GPR22: variants seen among roughly 807,000 people sequenced by gnomAD.
GPR22 encodes G protein-coupled receptor 22, also known as G-protein coupled receptor 22.
In GPR22, 13 loss-of-function variants were observed where a neutral mutation model predicts 31.0. The observed-to-expected ratio is 0.42, with a 90% CI of 0.27 to 0.67. The LOEUF (loss-of-function observed/expected upper bound fraction) is 0.67, where lower values mean the gene tolerates loss of function less well. Among genes scored for constraint, GPR22 ranks in the 30% least tolerant of loss-of-function variants. The probability of loss-of-function intolerance (pLI) is 0.25; values close to 1 mark genes in which losing one functional copy is unlikely to be tolerated. For synonymous variants in GPR22, 191 were observed against 173.4 expected, an observed-to-expected ratio of 1.10 and a Z score of -0.80; for missense variants, 368 against 509.6, an observed-to-expected ratio of 0.72 and a Z score of 2.67.
chr7:107,476,059 C>A (rs1796958700), downstream of GPR22, among the ~76,000 whole-genome samples: 1 of 150,320 alleles, frequency 6.7e-6, no homozygotes, highest in Non-Finnish European at 1.5e-5. Flanking sequence ...GACAGTATGC[C>A]TATAATATAC....
At position 107,473,984 on chromosome 7, in the gene GPR22, C is replaced by T. The variant is rs189832337; in HGVS notation, c.-26-51C>T. 1,467 of 707,406 alleles carry T rather than the reference C, an allele frequency of 2.1e-3. 2 individuals are homozygous for T. Among genetic ancestry groups the T allele is most frequent in the Middle Eastern group, 0.011 (42 of 3,872 alleles). The allele number at this position is 707,406 out of a possible 1,614,324, so 43.8% of individuals were successfully genotyped here. A position where few individuals can be genotyped will look rare whatever the true frequency, so the allele number is the denominator to read the frequency against. ...TTTTTCTTACAAAGAACACGTTATACGTCATTTAAATTGCCAAATATCAAA... is the reference window on the plus strand; with the variant it reads ...TTTTTCTTACAAAGAACACGTTATATGTCATTTAAATTGCCAAATATCAAA... On this transcript the variant is annotated intron_variant, in intron 2 of 2. Transcript: ENST00000304402.
In GPR22 at chr7:107,470,425, T is replaced by C. The variant is rs888291770; in HGVS notation, c.-978T>C. ...GGAAATGCTTCAACTACATCAAGAA[T>C]TTATCAAATCTTTAGCAGAGGTAAG... On this transcript the variant is annotated 5_prime_UTR_variant, in exon 1 of 3. Coordinates refer to ENST00000304402, the MANE Select transcript of GPR22 (RefSeq NM_005295.3). 1 of 152,184 alleles carries C rather than the reference T, an allele frequency of 6.6e-6. No homozygotes were observed. Among genetic ancestry groups the C allele is most frequent in the Non-Finnish European group, 1.5e-5 (1 of 68,022 alleles). The allele number at this position is 152,184 out of a possible 1,614,324, so 9.4% of individuals were successfully genotyped here.
rs1387856223 is a variant in GPR22 at position 107,474,614 on chromosome 7, A to C, written c.554A>C (p.Gln185Pro). Residue 185 changes from glutamine (Q) to proline (P), a missense_variant, in exon 3 of 3, where the codon CAA (glutamine) becomes CCA (proline). Physicochemically the swap from Gln to Pro is moderately conservative, Grantham distance 76 (BLOSUM62 -1). Transcript: ENST00000304402. This position sits in a 1 kb window ranked among gnomAD's most constrained non-coding sequence, Gnocchi z 5.7. The stretch of plus-strand genomic sequence containing the variant: ...ATTGAGGTAAATTTTTTCAGTCTTC[A>C]AAGTGGAAATACCTGGGAAAACAAG... The part of the protein sequence containing the change: ...PFIEVNFFSL[Q>P]SGNTWENKTL... 1 of 1,611,004 alleles carries C rather than the reference A, an allele frequency of 6.2e-7. No individual in the cohort carries two copies. Among genetic ancestry groups the C allele is most frequent in the East Asian group, 2.2e-5 (1 of 44,820 alleles).
In GPR22 at chr7:107,475,422, A is replaced by T. The variant is rs148952476; in HGVS notation, c.*60A>T. On this transcript the variant is annotated 3_prime_UTR_variant, in exon 3 of 3. Coordinates refer to ENST00000304402, the MANE Select transcript of GPR22 (RefSeq NM_005295.3). ...ATGAGTTTTAAATTTAAATTGTAAA[A>T]ACTGATATTACTGCCAAATATAAGA... 1.7e-5 allele frequency: 13 copies of T among 775,674 alleles called. No homozygotes were observed. The highest frequency in any genetic ancestry group is 2.6e-5 in the Non-Finnish European group (13 of 492,124). 48.0% of individuals were successfully genotyped at this position (775,674 alleles called of 1,614,324 possible).
chr7:107,475,105 A>C lies in GPR22; in HGVS notation c.1045A>C (p.Arg349=), dbSNP rs764919173. 1.1e-4 allele frequency: 177 copies of C among 1,612,424 alleles called. No individual in the cohort carries two copies. The highest frequency in any genetic ancestry group is 1.5e-4 in the Non-Finnish European group (172 of 1,179,024). The change falls in exon 3 of 3, where the codon AGA becomes CGA. Residue 349 remains arginine, a synonymous_variant. Transcript: ENST00000304402. The part of the protein sequence containing the change: ...LGPSDLLVKL[R]LCFLVMAYGT... ...CCCAAGTGACCTTTTAGTAAAATTA[A>C]GATTGTGTTTTTTAGTCATGGCTTA...
Position 107,470,464 on chromosome 7 carries a change from A to G in GPR22, c.-958+19A>G, listed in dbSNP as rs893293742. 3 of 152,186 alleles carry G rather than the reference A, an allele frequency of 2.0e-5. No individual in the cohort carries two copies. Among genetic ancestry groups the G allele is most frequent in the Admixed American group, 6.6e-5 (1 of 15,246 alleles). 9.4% of individuals were successfully genotyped at this position (152,186 alleles called of 1,614,324 possible). ...AGCAGAGGTAAGATTTGTTCCTATT[A>G]TAGTATACAGCTGCTTTTGAACCGG... On this transcript the variant is annotated intron_variant, in intron 1 of 2. Coordinates refer to ENST00000304402, the MANE Select transcript of GPR22 (RefSeq NM_005295.3).
downstream of GPR22, among the ~76,000 whole-genome samples, chr7:107,476,238 A>C (rs969792972): frequency 6.7e-6 from 1 of 149,538 alleles, no homozygotes. Flanking sequence ...CTGACTTCCT[A>C]ACTTTATTCA....
downstream of GPR22, among the ~76,000 whole-genome samples, chr7:107,477,088 A>AT (rs983045232): frequency 5.9e-5 from 9 of 151,700 alleles, no homozygotes; most frequent in Admixed American, 4.6e-4. Flanking sequence ...CAAGTAAGAT[A>AT]TTTTTTGAAA....
Position 107,474,158 on chromosome 7 carries a change from C to A in GPR22, c.98C>A (p.Pro33Gln), listed in dbSNP as rs1796827579. 6.2e-7 allele frequency: 1 copy of A among 1,609,888 alleles called. No individual in the cohort carries two copies. Among genetic ancestry groups the A allele is most frequent in the East Asian group, 2.2e-5 (1 of 44,834 alleles). ...GACATCAACACCAATATGTACCAAC[C>A]ACTATCATATCCGTTAAGCTTTCAA... is the stretch of plus-strand genomic sequence containing the variant. ...IDDINTNMYQ[P>Q]LSYPLSFQVS... The change falls in exon 3 of 3, where the codon CCA (proline) becomes CAA (glutamine). Residue 33 changes from proline to glutamine, a missense_variant. Transcript: ENST00000304402. The surrounding 1 kb of genome is among the most constrained non-coding windows in gnomAD (Gnocchi z 5.7).
rs370593458 is a variant in GPR22 at position 107,475,214 on chromosome 7, G to A, written c.1154G>A (p.Arg385Gln). 2.4e-5 allele frequency: 39 copies of A among 1,611,462 alleles called. No homozygotes were observed. Among genetic ancestry groups the A allele is most frequent in the African/African-American group, 1.1e-4 (8 of 74,784 alleles). ...QKVLKSKMKK[R>Q]VVSIVEADPL... ...GTCTTGAAAAGTAAAATGAAAAAGC[G>A]AGTTGTTTCTATAGTAGAAGCTGAT... Residue 385 changes from arginine (R) to glutamine (Q), a missense_variant, in exon 3 of 3, where the codon CGA (arginine) becomes CAA (glutamine). Transcript: ENST00000304402.
At chr7:107,473,918 A>G in intron 2 of GPR22, 117 bp from the exon 3 acceptor site, 1 of 518,300 alleles carries the variant, frequency 1.9e-6, no homozygotes, top group Admixed American at 3.7e-5. Flanking sequence ...TTAATAGTTT[A>G]CAAACTTAAA....
Position 107,475,415 on chromosome 7 carries a change from T to C in GPR22, c.*53T>C, listed in dbSNP as rs1796913652. On this transcript the variant is annotated 3_prime_UTR_variant, in exon 3 of 3. Coordinates refer to ENST00000304402, the MANE Select transcript of GPR22 (RefSeq NM_005295.3). ...CATTCAAATGAGTTTTAAATTTAAA[T>C]TGTAAAAACTGATATTACTGCCAAA... is the stretch of plus-strand genomic sequence containing the variant. 2.4e-6 allele frequency: 2 copies of C among 822,214 alleles called. No individual in the cohort carries two copies. The highest frequency in any genetic ancestry group is 3.8e-6 in the Non-Finnish European group (2 of 531,792). 50.9% of individuals were successfully genotyped at this position (822,214 alleles called of 1,614,324 possible). A position where few individuals can be genotyped will look rare whatever the true frequency, so the allele number is the denominator to read the frequency against.
chr7:107,474,868 G>A lies in GPR22; in HGVS notation c.808G>A (p.Asp270Asn), dbSNP rs757317859. The A allele has an allele frequency of 8.1e-6, 13 of 1,613,032 alleles. No individual in the cohort carries two copies. In the East Asian group the frequency reaches 2.5e-4, roughly 30 times the overall value. ...TCTAACCACACAACATGAGGCTACAGACATGTCACAAAGCAGTGGTGGGAG... is the reference window on the plus strand; with the variant it reads ...TCTAACCACACAACATGAGGCTACAAACATGTCACAAAGCAGTGGTGGGAG... ...ISLTTQHEAT[D>N]MSQSSGGRNV... The change falls in exon 3 of 3, where the codon GAC becomes AAC. Residue 270 changes from aspartate to asparagine, a missense_variant. Physicochemically the swap from Asp to Asn is conservative, Grantham distance 23. Transcript: ENST00000304402. This position sits in a 1 kb window ranked among gnomAD's most constrained non-coding sequence, Gnocchi z 5.7.
rs1172248396 is a variant in GPR22, at chr7:107,471,533, G to A, written c.-796G>A. 1 of 151,336 alleles carries A rather than the reference G, an allele frequency of 6.6e-6. No individual in the cohort carries two copies. Among genetic ancestry groups the A allele is most frequent in the Non-Finnish European group, 1.5e-5 (1 of 67,806 alleles). 9.4% of individuals were successfully genotyped at this position (151,336 alleles called of 1,614,324 possible). On this transcript the variant is annotated 5_prime_UTR_variant, in exon 2 of 3. It removes an upstream start codon present in the reference 5' UTR. Coordinates refer to ENST00000304402, the MANE Select transcript of GPR22 (RefSeq NM_005295.3). ...CAGGGAATAGGTCTACATTACTGAT[G>A]GAATATAAAAAATCAACTGTATCCT...
At chr7:107,476,138 C>T (rs1421517794), downstream of GPR22, among the ~76,000 whole-genome samples, 1 of 131,550 alleles carries the variant, frequency 7.6e-6, no homozygotes, top group African/African-American at 2.9e-5. Flanking sequence ...CCTCACTTTG[C>T]TTAAGTCTAA....
At chr7:107,473,978 G>T in intron 2 of GPR22, 57 bp from the exon 3 acceptor site, 1 of 681,794 alleles carries the variant, frequency 1.5e-6, no homozygotes, top group South Asian at 2.1e-5. Flanking sequence ...CAAAGAACAC[G>T]TTATACGTCA....
downstream of GPR22, among the ~76,000 whole-genome samples, chr7:107,476,183 T>TAAAAAAAAAAAAAAAAAAAGA (rs1563056700): frequency 1.2e-5 from 1 of 86,514 alleles, no homozygotes; most frequent in African/African-American, 5.8e-5. Flanking sequence ...TGCAATGATT[T>TAAAAAAAAAAAAAAAAAAAGA]TAAAAAAAAA....
downstream of GPR22, among the ~76,000 whole-genome samples, chr7:107,477,028 G>GT (rs1797036483): frequency 6.6e-6 from 1 of 151,492 alleles, no homozygotes; most frequent in South Asian, 2.1e-4. Context: ...ATTTTCTACT[G>GT]TTTTTTGGAA....
chr7:107,475,091 T>G lies in GPR22; in HGVS notation c.1031T>G (p.Leu344Arg). The G allele has an allele frequency of 1.2e-6, 2 of 1,612,806 alleles. No homozygotes were observed. The highest frequency in any genetic ancestry group is 1.7e-6 in the Non-Finnish European group (2 of 1,179,160). The stretch of plus-strand genomic sequence containing the variant: ...ATTTTATGTTTAGGCCCAAGTGACC[T>G]TTTAGTAAAATTAAGATTGTGTTTT... ...TTILCLGPSDLLVKLRLCFLV... is the reference protein window; with the variant it reads ...TTILCLGPSDRLVKLRLCFLV... The change falls in exon 3 of 3, where the codon CTT (leucine) becomes CGT (arginine). Residue 344 changes from leucine to arginine, a missense_variant. Leu to Arg is a moderately radical substitution (Grantham distance 102, BLOSUM62 -2). Coordinates refer to ENST00000304402, the MANE Select transcript of GPR22 (RefSeq NM_005295.3).
Sources: gnomAD v4.1 joint callset for allele counts (sites outside exome capture counted in the v4.1 genomes callset) on GRCh38, gnomAD v4.1.1 for gene constraint, Gnocchi (gnomAD v3.1) non-coding constraint, MANE v1.5 for transcripts, NCBI Gene and HGNC (gene_info 2026-07-23, HGNC 2026-07-21) for gene names.